The following EPRS1 variants were observed in gnomAD, a reference collection of about 807,000 sequenced individuals.
The protein encoded by EPRS1 is glutamyl-prolyl-tRNA synthetase 1.
EPRS1 carries 107 observed loss-of-function variants against 188.3 expected under a neutral mutation model. The observed-to-expected ratio is 0.57, with a 90% confidence interval of 0.49 to 0.67. The LOEUF (loss-of-function observed/expected upper bound fraction) is 0.67. Among genes scored for constraint, EPRS1 ranks in the 30% least tolerant of loss-of-function variants. The probability of loss-of-function intolerance (pLI) is 0.00; values close to 1 mark genes in which losing one functional copy is unlikely to be tolerated. For synonymous variants in EPRS1, 596 were observed against 593.1 expected (o/e 1.00, Z -0.07); for missense variants, 1,577 against 1,802.2 (o/e 0.88, Z 2.26).
chr1:220,025,621 C>T (rs1307779065), intron 6 of EPRS1, among the ~76,000 whole-genome samples: 2 of 152,120 alleles, frequency 1.3e-5, no homozygotes, highest in South Asian at 2.1e-4. Context: ...CTACCTTCCA[C>T]TGTTTGTCTT....
intron 18 of EPRS1, among the ~76,000 whole-genome samples, chr1:219,992,489 G>T (rs1012634527): frequency 2.6e-5 from 4 of 152,148 alleles, no homozygotes; most frequent in Non-Finnish European, 4.4e-5. Flanking sequence ...TCCATGGAGG[G>T]ATCAGCAAAC....
intron 16 of EPRS1, among the ~76,000 whole-genome samples, chr1:220,004,633 T>G (rs973816784): frequency 6.6e-6 from 1 of 152,182 alleles, no homozygotes; most frequent in Non-Finnish European, 1.5e-5. Flanking sequence ...TTTGAACACG[T>G]TGAGTTTGAA....
At chr1:219,983,733 A>G (rs1660946773) in intron 21 of EPRS1, among the ~76,000 whole-genome samples, 2 of 152,064 alleles carry the variant, frequency 1.3e-5, no homozygotes, top group Non-Finnish European at 2.9e-5. Flanking sequence ...TCTCTACTAA[A>G]ACTACAAAAA....
chr1:219,979,106 T>G, intron 27 of EPRS1, among the ~76,000 whole-genome samples: 1 of 152,206 alleles, frequency 6.6e-6, no homozygotes, highest in East Asian at 1.9e-4. Flanking sequence ...CTGCCCGCCT[T>G]GGCGTCCCAC....
intron 18 of EPRS1, among the ~76,000 whole-genome samples, chr1:219,994,634 CTTCTTCTTTTTT>C (rs1224843074): frequency 2.3e-5 from 3 of 131,902 alleles, no homozygotes; most frequent in East Asian, 2.3e-4. Flanking sequence ...GCCGTGGTAA[CTTCTTCTTTTTT>C]TTTTTTTTTT....
At chr1:219,972,038 T>A in intron 30 of EPRS1, 31 bp downstream of exon 30, 1 of 1,364,878 alleles carries the variant, frequency 7.3e-7, no homozygotes, top group East Asian at 2.3e-5. Context: ...TTAAATATTC[T>A]TATACTGAAA....
At position 220,007,923 on chromosome 1, in the gene EPRS1, C is replaced by T. The variant is rs547072998; in HGVS notation, c.1606-585G>A. Among the ~76,000 whole-genome samples the T allele has an allele frequency of 3.1e-4, 47 of 152,150 alleles. No homozygotes were observed. In the East Asian group the frequency reaches 6.2e-3, roughly 20 times the overall value. On this transcript the variant is annotated intron_variant, in intron 13 of 31. Transcript: ENST00000366923. ...GAGATCGAGATCATCCTGGCTAACACGGTGAAACCCCGTCTCTACTAAAAA... is the reference window on the plus strand; with the variant it reads ...GAGATCGAGATCATCCTGGCTAACATGGTGAAACCCCGTCTCTACTAAAAA...
At chr1:219,993,840 A>C (rs966884096) in intron 18 of EPRS1, among the ~76,000 whole-genome samples, 11 of 152,348 alleles carry the variant, frequency 7.2e-5, no homozygotes, top group Non-Finnish European at 1.5e-4. Flanking sequence ...AGTTACTTTC[A>C]TATTCAGTTT....
At chr1:220,004,964 A>C (rs981190524) in intron 16 of EPRS1, among the ~76,000 whole-genome samples, 6 of 152,212 alleles carry the variant, frequency 3.9e-5, no homozygotes, top group Admixed American at 1.3e-4. Flanking sequence ...TAGGTAATAT[A>C]CAGACTGAAA....
At position 219,997,193 on chromosome 1, in the gene EPRS1, T is replaced by C. The variant is rs1661253036; in HGVS notation, c.2331A>G (p.Val777=). 6.2e-7 allele frequency: 1 copy of C among 1,613,990 alleles called. No individual in the cohort carries two copies. The highest frequency in any genetic ancestry group is 1.3e-5 in the African/African-American group (1 of 74,938). ...ACAAAAGCTGTTTTACAGCTGCATC[T>C]ACATCTTCCTTTGGTGCTTTCTTGG... ...LKAKKAPKED[V]DAAVKQLLSL... Residue 777 remains valine (V), a synonymous_variant, in exon 18 of 32, where the codon GTA becomes GTG. Transcript: ENST00000366923.
At chr1:220,032,260 A>G in intron 5 of EPRS1, 127 bp downstream of exon 5, 1 of 575,020 alleles carries the variant, frequency 1.7e-6, no homozygotes, top group Non-Finnish European at 2.6e-6. Flanking sequence ...TTTTTTTTGT[A>G]TATTTTTAGC....
chr1:220,026,454 A>G (rs1661974061), intron 6 of EPRS1, among the ~76,000 whole-genome samples: 1 of 152,194 alleles, frequency 6.6e-6, no homozygotes, highest in South Asian at 2.1e-4. Flanking sequence ...AGGAAGTTTA[A>G]TCAGCTTTCA....
At chr1:219,978,886 G>A (rs745776936) in intron 27 of EPRS1, among the ~76,000 whole-genome samples, 167 bp from the exon 28 acceptor site, 80 of 151,960 alleles carry the variant, frequency 5.3e-4, no homozygotes, top group Non-Finnish European at 4.9e-4. Flanking sequence ...ACTTACCCGT[G>A]CTAAATGCAT....
intron 9 of EPRS1, among the ~76,000 whole-genome samples, chr1:220,021,303 C>T (rs575909938): frequency 6.6e-6 from 1 of 152,170 alleles, no homozygotes; most frequent in East Asian, 1.9e-4. Flanking sequence ...ATCTTCTTGC[C>T]TCAGTCTTCC....
chr1:220,013,389 C>T (rs12090303), intron 12 of EPRS1, among the ~76,000 whole-genome samples: 5,478 of 152,260 alleles, frequency 0.036, 300 homozygotes, highest in African/African-American at 0.12. Flanking sequence ...CACCCCACAT[C>T]TCTTTCCCCT....
chr1:220,028,193 G>A (rs972372983), intron 6 of EPRS1, among the ~76,000 whole-genome samples: 16 of 152,070 alleles, frequency 1.1e-4, no homozygotes, highest in East Asian at 1.9e-4. Context: ...ACTTGAGGGC[G>A]TTGCACCCAA....
intron 18 of EPRS1, among the ~76,000 whole-genome samples, chr1:219,995,796 C>G (rs1008533722): frequency 2.6e-5 from 4 of 152,110 alleles, no homozygotes; most frequent in Admixed American, 1.3e-4. Flanking sequence ...ATCAAAGTAT[C>G]TTAGGTGGCA....
intron 12 of EPRS1, among the ~76,000 whole-genome samples, chr1:220,015,794 T>C (rs989991526): frequency 6.8e-6 from 1 of 146,896 alleles, no homozygotes; most frequent in East Asian, 2.0e-4. Flanking sequence ...GAAGGTAATA[T>C]AAAAAAAAAA....
At position 220,028,486 on chromosome 1, in the gene EPRS1, A is replaced by AC. The variant is rs1465119517; in HGVS notation, c.623+1899_623+1900insG. Among the ~76,000 whole-genome samples, 9 of 151,420 alleles carry AC rather than the reference A, an allele frequency of 5.9e-5. No homozygotes were observed. The East Asian group carries it at 1.8e-3, about 29-fold the overall frequency. ...ACACGCGCACACACACACACACACA[A>AC]AAGAATCATGCTGCATGAGTTAGAA... On this transcript the variant is annotated intron_variant, in intron 6 of 31. Transcript: ENST00000366923.
Sources: allele counts gnomAD v4.1 joint callset (sites outside exome capture counted in the v4.1 genomes callset), GRCh38; gene constraint gnomAD v4.1.1; transcripts MANE v1.5; gene names NCBI Gene and HGNC (gene_info 2026-07-23, HGNC 2026-07-21).